KCNG4: variants seen among roughly 807,000 people sequenced by gnomAD.
KCNG4 encodes voltage-gated potassium channel regulatory subunit KCNG4.
In KCNG4, 30 loss-of-function variants were observed where a neutral mutation model predicts 28.2. The ratio of observed to expected loss-of-function variants is 1.06; its 90% CI spans 0.80 to 1.44. The LOEUF is 1.44. Among genes scored for constraint, KCNG4 ranks in the 40% most tolerant of loss-of-function variants. The pLI, the probability that KCNG4 is intolerant of heterozygous loss-of-function variation, is 0.00. For synonymous variants in KCNG4, 375 were observed against 315.5 expected, an observed-to-expected ratio of 1.19 and a Z score of -2.00; for missense variants, 879 against 712.3, an observed-to-expected ratio of 1.23 and a Z score of -2.66.
Position 84,222,282 on chromosome 16 carries a change from C to G in KCNG4, c.1495G>C (p.Glu499Gln), listed in dbSNP as rs765424157. ...LLDPHVASEH[E>Q]LMNDVNDLIL... ...AGGTCATTGACATCGTTCATGAGCT[C>G]ATGTTCACTGGCCACATGGGGGTCC... Residue 499 changes from glutamate (E) to glutamine (Q), a missense_variant, in exon 3 of 3, where the codon GAG (glutamate) becomes CAG (glutamine). By Grantham distance (29) the Glu-to-Gln change is conservative. Transcript: ENST00000308251. The G allele has an allele frequency of 1.2e-6, 2 of 1,614,212 alleles. No individual in the cohort carries two copies. The highest frequency in any genetic ancestry group is 1.7e-5 in the Admixed American group (1 of 60,032).
At chr16:84,227,456 G>C (rs1597617429) in intron 2 of KCNG4, among the ~76,000 whole-genome samples, 1 of 151,996 alleles carries the variant, frequency 6.6e-6, no homozygotes, top group Admixed American at 6.6e-5. Flanking sequence ...AGGTGCCTGT[G>C]ATCCTAGCTA....
Position 84,224,411 on chromosome 16 carries a change from C to CACACACAT in KCNG4, c.757-1392_757-1391insATGTGTGT, listed in dbSNP as rs374372336. Among the ~76,000 whole-genome samples, 21 of 131,922 alleles carry CACACACAT rather than the reference C, an allele frequency of 1.6e-4. 1 individual carries two copies. Among genetic ancestry groups the CACACACAT allele is most frequent in the African/African-American group, 4.8e-4 (18 of 37,226 alleles). 86.5% of individuals were successfully genotyped at this position (131,922 alleles called of 152,430 possible). On this transcript the variant is annotated intron_variant, in intron 2 of 2. Coordinates refer to ENST00000308251, the MANE Select transcript of KCNG4 (RefSeq NM_172347.3). ...ACTTTGCTATACATATTTACACACA[C>CACACACAT]ACACACACACACACACACACACACA...
Position 84,237,137 on chromosome 16 carries a change from G to T in KCNG4, c.349C>A (p.Pro117Thr), listed in dbSNP as rs3803641. 1.9e-6 allele frequency: 3 copies of T among 1,613,970 alleles called. No individual in the cohort carries two copies. Among genetic ancestry groups the T allele is most frequent in the Admixed American group, 1.7e-5 (1 of 59,992 alleles). Reference protein sequence around the residue: ...DSQEFFFDRSPSAFGVIVSFL... With the variant: ...DSQEFFFDRSTSAFGVIVSFL... ...CTCACGATCACCCCGAAGGCGCTGG[G>T]GCTCCTGTCGAAGAAGAACTCCTGG... Residue 117 changes from proline to threonine, a missense_variant, in exon 2 of 3, where the codon CCC becomes ACC. Transcript: ENST00000308251.
In KCNG4 at chr16:84,221,937, A is replaced by T. The variant is rs2151335449; in HGVS notation, c.*280T>A. ...AGCCTCTGCTGGGAAGGAAAAGAGA[A>T]TGAAAGGAGACTGAGCTACTCCAGC... On this transcript the variant is annotated 3_prime_UTR_variant, in exon 3 of 3. Coordinates refer to ENST00000308251, the MANE Select transcript of KCNG4 (RefSeq NM_172347.3). The T allele has an allele frequency of 2.3e-6, 1 of 442,432 alleles. No homozygotes were observed. The highest frequency in any genetic ancestry group is 4.3e-5 in the East Asian group (1 of 23,142). 27.4% of individuals were successfully genotyped at this position (442,432 alleles called of 1,614,324 possible).
chr16:84,224,626 A>G (rs1259890669), intron 2 of KCNG4, among the ~76,000 whole-genome samples: 2 of 152,222 alleles, frequency 1.3e-5, no homozygotes, highest in African/African-American at 4.8e-5. Flanking sequence ...GGAGAAAGAG[A>G]AAGAGACTGA....
intron 2 of KCNG4, among the ~76,000 whole-genome samples, chr16:84,234,332 C>T (rs538515561): frequency 1.3e-5 from 2 of 152,240 alleles, no homozygotes; most frequent in East Asian, 3.9e-4. Flanking sequence ...GCCACCACAC[C>T]TGGCTAATTT....
chr16:84,229,887 A>ATCTT (rs1904786009), intron 2 of KCNG4, among the ~76,000 whole-genome samples: 1 of 152,242 alleles, frequency 6.6e-6, no homozygotes, highest in Non-Finnish European at 1.5e-5. Context: ...TCGCTAGAGC[A>ATCTT]ATTACCAAAT....
intron 2 of KCNG4, among the ~76,000 whole-genome samples, chr16:84,233,425 G>A (rs547586204): frequency 3.9e-5 from 6 of 152,314 alleles, no homozygotes; most frequent in African/African-American, 7.2e-5. Context: ...AGTTAGGGCT[G>A]GGCACGGTGG....
chr16:84,227,421 A>G (rs1472736004), intron 2 of KCNG4, among the ~76,000 whole-genome samples: 1 of 152,172 alleles, frequency 6.6e-6, no homozygotes, highest in Admixed American at 6.5e-5. Context: ...TACTAAAAAT[A>G]CAAAAATTAG....
intron 1 of KCNG4, 76 bp from the exon 2 acceptor site, chr16:84,237,601 C>G: frequency 9.9e-7 from 1 of 1,013,256 alleles, no homozygotes; most frequent in Non-Finnish European, 1.3e-6. Context: ...GATGTCACGA[C>G]TGCAGATGTT....
chr16:84,236,727 C>T lies in KCNG4; in HGVS notation c.756+3G>A, dbSNP rs1305758228. ...GCCGTGAATGCCATCAGAGGCCGCT[C>T]ACCTGGTCCTCCTCTGCCCTGAGGT... On this transcript the variant is annotated splice_donor_region_variant and intron_variant, in intron 2 of 2. Transcript: ENST00000308251. The T allele has an allele frequency of 1.9e-6, 3 of 1,605,242 alleles. No homozygotes were observed. Among genetic ancestry groups the T allele is most frequent in the Admixed American group, 1.7e-5 (1 of 59,794 alleles).
In KCNG4 at chr16:84,222,558, C is replaced by T. The variant is rs763574802; in HGVS notation, c.1219G>A (p.Ala407Thr). Residue 407 changes from alanine (A) to threonine (T), a missense_variant, in exon 3 of 3, where the codon GCC becomes ACC. Physicochemically the swap from Ala to Thr is moderately conservative, Grantham distance 58 (BLOSUM62 0). Transcript: ENST00000308251. ...GAGATGATGGCCCACCAATAGGAGG[C>T]GGGGATGCTGGTGAACTCCAGCACC... ...GRVLEFTSIP[A>T]SYWWAIISMT... The T allele has an allele frequency of 7.4e-6, 12 of 1,613,426 alleles. No homozygotes were observed. Among genetic ancestry groups the T allele is most frequent in the South Asian group, 3.3e-5 (3 of 91,082 alleles).
intron 2 of KCNG4, among the ~76,000 whole-genome samples, chr16:84,233,404 C>A (rs1038952383): frequency 5.9e-5 from 9 of 152,150 alleles, no homozygotes; most frequent in Middle Eastern, 6.8e-3. Context: ...GCGAAGTGGC[C>A]CAGAATTGAA....
At chr16:84,224,187 T>G (rs944305152) in intron 2 of KCNG4, among the ~76,000 whole-genome samples, 7 of 152,104 alleles carry the variant, frequency 4.6e-5, no homozygotes, top group African/African-American at 1.7e-4. Flanking sequence ...TCATGCAAAC[T>G]GAAGTTTGAC....
At position 84,239,787 on chromosome 16, in the gene KCNG4, C is replaced by T. The variant is rs1316605035; in HGVS notation, c.-158G>A. ...GGAGATGAAGGGGAAGAAAAAAATC[C>T]CCAAAACAGCAGTTTCTAGCAGAGT... On this transcript the variant is annotated 5_prime_UTR_variant, in exon 1 of 3. Transcript: ENST00000308251. 2 of 152,000 alleles carry T rather than the reference C, an allele frequency of 1.3e-5. No homozygotes were observed. The highest frequency in any genetic ancestry group is 2.9e-5 in the Non-Finnish European group (2 of 68,008). 9.4% of individuals were successfully genotyped at this position (152,000 alleles called of 1,614,324 possible). A position where few individuals can be genotyped will look rare whatever the true frequency, so the allele number is the denominator to read the frequency against.
At chr16:84,234,918 C>G (rs188123408) in intron 2 of KCNG4, among the ~76,000 whole-genome samples, 1 of 152,172 alleles carries the variant, frequency 6.6e-6, no homozygotes, top group Non-Finnish European at 1.5e-5. Flanking sequence ...ATTATCTAAA[C>G]GGAAACACAG....
At chr16:84,234,177 C>G (rs173433) in intron 2 of KCNG4, among the ~76,000 whole-genome samples, 1 of 151,940 alleles carries the variant, frequency 6.6e-6, no homozygotes. Context: ...CCCTTCTCCA[C>G]TGTAATTTTT....
intron 2 of KCNG4, among the ~76,000 whole-genome samples, chr16:84,224,634 T>G (rs1904656634): frequency 6.6e-6 from 1 of 152,206 alleles, no homozygotes; most frequent in South Asian, 2.1e-4. Flanking sequence ...AGAAAGAGAC[T>G]GAACCACGAC....
Position 84,237,532 on chromosome 16 carries a change from C to T in KCNG4, c.-40-7G>A. ...AAGCGCTGGGTTTACCAGTCTGACA[C>T]CCAAGGGACAAAGAGCAAGCAAAAG... On this transcript the variant is annotated splice_region_variant and splice_polypyrimidine_tract_variant and intron_variant, in intron 1 of 2. Transcript: ENST00000308251. 2.1e-6 allele frequency: 3 copies of T among 1,438,156 alleles called. No individual in the cohort carries two copies. The highest frequency in any genetic ancestry group is 2.7e-6 in the Non-Finnish European group (3 of 1,096,158). The allele number at this position is 1,438,156 out of a possible 1,614,324, so 89.1% of individuals were successfully genotyped here. A position where few individuals can be genotyped will look rare whatever the true frequency, so the allele number is the denominator to read the frequency against.
Sources: gnomAD v4.1 joint callset for allele counts (sites outside exome capture counted in the v4.1 genomes callset) on GRCh38, gnomAD v4.1.1 for gene constraint, MANE v1.5 for transcripts, NCBI Gene and HGNC (gene_info 2026-07-23, HGNC 2026-07-21) for gene names.